The following TLR3 variants were observed in gnomAD, a reference collection of about 807,000 sequenced individuals.
TLR3 encodes toll-like receptor 3.
TLR3 carries 43 observed loss-of-function variants against 66.4 expected under a neutral mutation model. The ratio of observed to expected loss-of-function variants is 0.65; its 90% CI spans 0.51 to 0.83. TLR3 has a LOEUF of 0.83. Among genes scored for constraint, TLR3 ranks in the 40% least tolerant of loss-of-function variants. TLR3 has a pLI of 0.00. For missense variants in TLR3, 982 were observed against 1,044.6 expected, an observed-to-expected ratio of 0.94 and a Z score of 0.83; for synonymous variants, 397 against 397.2, an observed-to-expected ratio of 1.00 and a Z score of 0.01.
Position 186,083,695 on chromosome 4 carries a change from A to G in TLR3, c.2009A>G (p.Glu670Gly). ...AACGAGACCCATACCAACATCCCTG[A>G]GCTGTCAAGCCACTACCTTTGCAAC... The part of the protein sequence containing the change: ...WINETHTNIP[E>G]LSSHYLCNTP... The change falls in exon 4 of 5, where the codon GAG becomes GGG. Residue 670 changes from glutamate to glycine, a missense_variant. Around this residue, in one of 3 missense-constraint regions of TLR3, gnomAD observed 666 missense variants for 709.0 expected, o/e 0.94. Transcript: ENST00000296795. This position sits in a 1 kb window ranked among gnomAD's most constrained non-coding sequence, Gnocchi z 4.0. 6.2e-7 allele frequency: 1 copy of G among 1,602,244 alleles called. No individual in the cohort carries two copies. The highest frequency in any genetic ancestry group is 8.5e-7 in the Non-Finnish European group (1 of 1,173,886).
At position 186,087,301 on chromosome 4, in the gene TLR3, A is replaced by G. The variant is rs1253795163; in HGVS notation, c.*2428A>G. The G allele has an allele frequency of 6.6e-6, 1 of 152,232 alleles. No homozygotes were observed. Among genetic ancestry groups the G allele is most frequent in the Non-Finnish European group, 1.5e-5 (1 of 68,042 alleles). 9.4% of individuals were successfully genotyped at this position (152,232 alleles called of 1,614,324 possible). On this transcript the variant is annotated 3_prime_UTR_variant, in exon 5 of 5. Coordinates refer to ENST00000296795, the MANE Select transcript of TLR3 (RefSeq NM_003265.3). ...GACCTCTAAATGAATGCCAATAAAAATAGTAAAAGGTGTAAACTCTGACTC... is the reference window on the plus strand; with the variant it reads ...GACCTCTAAATGAATGCCAATAAAAGTAGTAAAAGGTGTAAACTCTGACTC...
At chr4:186,074,703 A>G (rs1256027173) in intron 1 of TLR3, among the ~76,000 whole-genome samples, 1 of 152,228 alleles carries the variant, frequency 6.6e-6, no homozygotes, top group African/African-American at 2.4e-5. Context: ...CTCGTGTAAT[A>G]ATGCTTGGTT....
Position 186,084,786 on chromosome 4 carries a change from CT to C in TLR3, c.2630del (p.Leu877Ter). ...RRGMFKSHCI[L>X]NWPVQKERIG... Reference sequence around the variant, plus strand: ...GAGGAATGTTTAAATCTCACTGCATCTTGAACTGGCCAGTTCAGAAAGAACG... The same window carrying C: ...GAGGAATGTTTAAATCTCACTGCATCTGAACTGGCCAGTTCAGAAAGAACG... On this transcript the variant is annotated frameshift_variant, in exon 5 of 5. Coordinates refer to ENST00000296795, the MANE Select transcript of TLR3 (RefSeq NM_003265.3). LOFTEE classifies it high-confidence loss of function. 6.2e-7 allele frequency: 1 copy of C among 1,614,100 alleles called. No homozygotes were observed. The highest frequency in any genetic ancestry group is 8.5e-7 in the Non-Finnish European group (1 of 1,180,012).
intron 2 of TLR3, among the ~76,000 whole-genome samples, chr4:186,077,732 A>G (rs1187611881): frequency 6.6e-6 from 1 of 152,078 alleles, no homozygotes; most frequent in Non-Finnish European, 1.5e-5. Flanking sequence ...AATGTTTCTC[A>G]TTTGTGTTGT....
chr4:186,073,019 A>G (rs1018786337), intron 1 of TLR3, among the ~76,000 whole-genome samples: 2 of 152,230 alleles, frequency 1.3e-5, no homozygotes, highest in Non-Finnish European at 2.9e-5. Context: ...CTAGAAGAAG[A>G]GCAAGATGGG....
chr4:186,072,975 A>G (rs1027720306), intron 1 of TLR3, among the ~76,000 whole-genome samples: 3 of 152,224 alleles, frequency 2.0e-5, no homozygotes, highest in Admixed American at 6.5e-5. Context: ...AATATTGGAT[A>G]ATTTCCATCA....
intron 1 of TLR3, among the ~76,000 whole-genome samples, chr4:186,074,645 T>C (rs903507805): frequency 1.3e-5 from 2 of 152,248 alleles, no homozygotes; most frequent in Non-Finnish European, 2.9e-5. Flanking sequence ...ATTAACTTAT[T>C]ATAACTGTTT....
chr4:186,076,302 A>C (rs1426520853), intron 1 of TLR3, among the ~76,000 whole-genome samples: 2 of 152,230 alleles, frequency 1.3e-5, no homozygotes, highest in Non-Finnish European at 2.9e-5. Context: ...AAGAATATTA[A>C]GTTTATGGAG....
chr4:186,072,614 C>A (rs1250150037), intron 1 of TLR3, among the ~76,000 whole-genome samples: 1 of 152,194 alleles, frequency 6.6e-6, no homozygotes, highest in African/African-American at 2.4e-5. Flanking sequence ...CCAACCACCA[C>A]ACACTTTTAA....
intron 1 of TLR3, among the ~76,000 whole-genome samples, chr4:186,075,926 T>G (rs1017135980): frequency 2.0e-5 from 3 of 152,138 alleles, no homozygotes; most frequent in Admixed American, 6.5e-5. Context: ...GAGGCTGAAG[T>G]GGGCAGATCA....
rs1339875893 is a variant in TLR3, at chr4:186,087,566, A to T, written c.*2693A>T. 1 of 152,212 alleles carries T rather than the reference A, an allele frequency of 6.6e-6. No individual in the cohort carries two copies. The highest frequency in any genetic ancestry group is 2.4e-5 in the African/African-American group (1 of 41,454). 9.4% of individuals were successfully genotyped at this position (152,212 alleles called of 1,614,324 possible). A position where few individuals can be genotyped will look rare whatever the true frequency, so the allele number is the denominator to read the frequency against. ...TTTTTCACATTGCAAAACAAAACCCAACTGAATCGACACTGAGTTTAAAAT... is the reference window on the plus strand; with the variant it reads ...TTTTTCACATTGCAAAACAAAACCCTACTGAATCGACACTGAGTTTAAAAT... On this transcript the variant is annotated 3_prime_UTR_variant, in exon 5 of 5. Coordinates refer to ENST00000296795, the MANE Select transcript of TLR3 (RefSeq NM_003265.3).
chr4:186,081,239 AC>A (rs1561371441), intron 3 of TLR3, among the ~76,000 whole-genome samples: 2 of 149,032 alleles, frequency 1.3e-5, no homozygotes, highest in African/African-American at 5.0e-5. Flanking sequence ...ACTGCACTCC[AC>A]CCTGGGGGAC....
In TLR3 at chr4:186,087,456, CTTG is replaced by C. The variant is rs1310875520; in HGVS notation, c.*2586_*2588del. 6.6e-6 allele frequency: 1 copy of C among 152,174 alleles called. No homozygotes were observed. Among genetic ancestry groups the C allele is most frequent in the Non-Finnish European group, 1.5e-5 (1 of 68,048 alleles). 9.4% of individuals were successfully genotyped at this position (152,174 alleles called of 1,614,324 possible). On this transcript the variant is annotated 3_prime_UTR_variant, in exon 5 of 5. Transcript: ENST00000296795. ...GAGGAAAAGGATGTTTGTCTGAGCT[CTTG>C]TTTGATTTGCCCAAGTGACTTGACT...
Position 186,083,019 on chromosome 4 carries a change from C to G in TLR3, c.1333C>G (p.Gln445Glu). The change falls in exon 4 of 5, where the codon CAA (glutamine) becomes GAA (glutamate). Residue 445 changes from glutamine (Q) to glutamate (E), a missense_variant. Gln to Glu is a conservative substitution (Grantham distance 29). This residue lies in a region of TLR3 where 666 missense variants were observed against 709.0 expected (regional missense o/e 0.94). Transcript: ENST00000296795. The surrounding 1 kb of genome is among the most constrained non-coding windows in gnomAD (Gnocchi z 4.0). Reference sequence around the variant, plus strand: ...TGACCTGGGCCTTAATGAAATTGGGCAAGAACTCACAGGCCAGGAATGGAG... The same window carrying G: ...TGACCTGGGCCTTAATGAAATTGGGGAAGAACTCACAGGCCAGGAATGGAG... ...VLDLGLNEIG[Q>E]ELTGQEWRGL... 1 of 1,614,106 alleles carries G rather than the reference C, an allele frequency of 6.2e-7. No individual in the cohort carries two copies. The highest frequency in any genetic ancestry group is 8.5e-7 in the Non-Finnish European group (1 of 1,180,016).
chr4:186,082,071 A>T (rs547162209), intron 3 of TLR3: 1 of 491,624 alleles, frequency 2.0e-6, no homozygotes, highest in Non-Finnish European at 3.6e-6. Flanking sequence ...CTAAAAATAC[A>T]AAACTTAGCT....
intron 1 of TLR3, among the ~76,000 whole-genome samples, chr4:186,073,390 C>T (rs1474174231): frequency 4.6e-5 from 7 of 152,020 alleles, no homozygotes; most frequent in African/African-American, 1.7e-4. Flanking sequence ...CATGGTGGCG[C>T]GTGCCTGTAG....
At position 186,083,560 on chromosome 4, in the gene TLR3, T is replaced by C. The variant is rs2099303883; in HGVS notation, c.1874T>C (p.Val625Ala). ...LNLQKNLITS[V>A]EKKVFGPAFR... ...CTTCAGAAGAATCTCATAACATCCG[T>C]TGAGAAGAAGGTTTTCGGGCCAGCT... Residue 625 changes from valine (V) to alanine (A), a missense_variant, in exon 4 of 5, where the codon GTT becomes GCT. This residue lies in a region of TLR3 where 666 missense variants were observed against 709.0 expected (regional missense o/e 0.94). Transcript: ENST00000296795. This position sits in a 1 kb window ranked among gnomAD's most constrained non-coding sequence, Gnocchi z 4.0. The C allele has an allele frequency of 6.2e-7, 1 of 1,613,136 alleles. No homozygotes were observed.
intron 1 of TLR3, among the ~76,000 whole-genome samples, chr4:186,071,692 T>G (rs2099301497): frequency 6.6e-6 from 1 of 152,200 alleles, no homozygotes. Flanking sequence ...TTTTTTGTTG[T>G]TTTTTCTGTT....
In TLR3 at chr4:186,083,707, A is replaced by T. The variant is rs1295708267; in HGVS notation, c.2021A>T (p.His674Leu). The change falls in exon 4 of 5, where the codon CAC (histidine) becomes CTC (leucine). Residue 674 changes from histidine to leucine, a missense_variant. Physicochemically the swap from His to Leu is moderately conservative, Grantham distance 99. Coordinates refer to ENST00000296795, the MANE Select transcript of TLR3 (RefSeq NM_003265.3). This position sits in a 1 kb window ranked among gnomAD's most constrained non-coding sequence, Gnocchi z 4.0. The part of the protein sequence containing the change: ...THTNIPELSS[H>L]YLCNTPPHYH... The stretch of plus-strand genomic sequence containing the variant: ...ACCAACATCCCTGAGCTGTCAAGCC[A>T]CTACCTTTGCAACACTCCACCTCAC... 3.1e-6 allele frequency: 5 copies of T among 1,606,472 alleles called. No homozygotes were observed. The highest frequency in any genetic ancestry group is 4.3e-6 in the Non-Finnish European group (5 of 1,176,014).
Sources: gnomAD v4.1 joint callset for allele counts (sites outside exome capture counted in the v4.1 genomes callset) on GRCh38, gnomAD v4.1.1 for gene constraint, gnomAD v4.1.1 regional missense constraint, Gnocchi (gnomAD v3.1) non-coding constraint, MANE v1.5 for transcripts, NCBI Gene and HGNC (gene_info 2026-07-23, HGNC 2026-07-21) for gene names.